Variants in TNK2 observed in about 807,000 individuals in gnomAD.
TNK2 encodes the protein activated CDC42 kinase 1.
Under a neutral mutation model 101.8 loss-of-function variants are expected in TNK2, and 83 were observed. That is an observed-to-expected ratio of 0.82 (90% CI 0.68 to 0.98). The LOEUF is 0.98. TNK2 is among the 50% of genes least tolerant of loss of function. The pLI is 0.00. For synonymous variants in TNK2, 804 were observed against 633.0 expected, an observed-to-expected ratio of 1.27 and a Z score of -4.06; for missense variants, 1,665 against 1,483.2, an observed-to-expected ratio of 1.12 and a Z score of -2.01.
rs770147978 is a variant in TNK2 at position 195,868,332 on chromosome 3, C to T, written c.1966G>A (p.Asp656Asn). ...PPPAYDDVAQ[D>N]EDDFEICSIN... ...GAGCAGATCTCAAAGTCATCCTCAT[C>T]CTGGGCCACGTCGTCATAGGCGGGC... The change falls in exon 13 of 16, where the codon GAT becomes AAT. Residue 656 changes from aspartate to asparagine, a missense_variant. Physicochemically the swap from Asp to Asn is conservative, Grantham distance 23. Transcript: ENST00000672887. 1.2e-6 allele frequency: 2 copies of T among 1,602,388 alleles called. No individual in the cohort carries two copies. The highest frequency in any genetic ancestry group is 1.3e-5 in the African/African-American group (1 of 74,786).
chr3:195,873,317 T>C (rs1259443774), intron 9 of TNK2, among the ~76,000 whole-genome samples: 1 of 152,170 alleles, frequency 6.6e-6, no homozygotes, highest in East Asian at 1.9e-4. Context: ...AGCACAGGGC[T>C]CCCGCAAGAC....
chr3:195,876,355 A>C (rs1454181819), intron 9 of TNK2: 1 of 453,468 alleles, frequency 2.2e-6, no homozygotes, highest in Non-Finnish European at 4.4e-6. Context: ...ACAGCTTCGC[A>C]AGTGGGAAGC....
Position 195,867,878 on chromosome 3 carries a change from G to C in TNK2, c.2420C>G (p.Pro807Arg). The C allele has an allele frequency of 6.5e-7, 1 of 1,530,756 alleles. No homozygotes were observed. The highest frequency in any genetic ancestry group is 1.4e-5 in the African/African-American group (1 of 71,874). The allele number at this position is 1,530,756 out of a possible 1,614,324, so 94.8% of individuals were successfully genotyped here. A position where few individuals can be genotyped will look rare whatever the true frequency, so the allele number is the denominator to read the frequency against. Residue 807 changes from proline (P) to arginine (R), a missense_variant, in exon 13 of 16, where the codon CCC (proline) becomes CGC (arginine). By Grantham distance (103) the Pro-to-Arg change is moderately radical. Coordinates refer to ENST00000672887, the MANE Select transcript of TNK2 (RefSeq NM_001382273.1). ...EPLSPQGSRT[P>R]SPLVPPGSSP... Reference sequence around the variant, plus strand: ...GCTGCCAGGTGGTACCAGGGGGCTGGGTGTCCTCGAGCCTTGAGGGGACAG... The same window carrying C: ...GCTGCCAGGTGGTACCAGGGGGCTGCGTGTCCTCGAGCCTTGAGGGGACAG...
intron 12 of TNK2, chr3:195,869,088 G>A (rs1055447286): frequency 6.3e-6 from 3 of 472,622 alleles, no homozygotes; most frequent in South Asian, 5.8e-5. Flanking sequence ...CACCATTAGT[G>A]CAGGCACGGA....
At chr3:195,874,354 C>G (rs1747614884) in intron 9 of TNK2, among the ~76,000 whole-genome samples, 1 of 152,234 alleles carries the variant, frequency 6.6e-6, no homozygotes, top group African/African-American at 2.4e-5. Flanking sequence ...AAGGAGACAT[C>G]AAGCCCACCT....
chr3:195,869,734 G>C, intron 11 of TNK2, 193 bp from the exon 12 acceptor site: 1 of 635,786 alleles, frequency 1.6e-6, no homozygotes, highest in South Asian at 1.9e-5. Flanking sequence ...GGTCCAGTAT[G>C]ATAGGCAGAG....
rs1278145433 is a variant in TNK2, at chr3:195,864,012, T to TGGGCA, written c.*164_*168dup. 7.4e-6 allele frequency: 6 copies of TGGGCA among 810,306 alleles called. No individual in the cohort carries two copies. The highest frequency in any genetic ancestry group is 1.0e-5 in the Non-Finnish European group (5 of 498,640). 50.2% of individuals were successfully genotyped at this position (810,306 alleles called of 1,614,324 possible). ...AGGGACAGCGCTGGTGCAGGAGGGA[T>TGGGCA]GGGCAGGGCAGGGCTCCCAGCCTCC... On this transcript the variant is annotated 3_prime_UTR_variant, in exon 16 of 16. Transcript: ENST00000672887.
Position 195,866,742 on chromosome 3 carries a change from C to T in TNK2, c.3161+147G>A, listed in dbSNP as rs1244345831. On this transcript the variant is annotated intron_variant, in intron 15 of 15. Coordinates refer to ENST00000672887, the MANE Select transcript of TNK2 (RefSeq NM_001382273.1). ...ATTTAGGAAAAACGATTTGCTGGGC[C>T]CTGTGAGCGCCTCCCTCCCGCAGCT... The T allele has an allele frequency of 2.5e-6, 3 of 1,179,690 alleles. No individual in the cohort carries two copies. In the African/African-American group the frequency reaches 4.6e-5, roughly 18 times the overall value. The allele number at this position is 1,179,690 out of a possible 1,614,324, so 73.1% of individuals were successfully genotyped here. A position where few individuals can be genotyped will look rare whatever the true frequency, so the allele number is the denominator to read the frequency against.
rs542698987 is a variant in TNK2, at chr3:195,868,618, C to T, written c.1680G>A (p.Gly560=). Residue 560 remains glycine (G), a synonymous_variant, in exon 13 of 16, where the codon GGG becomes GGA. Coordinates refer to ENST00000672887, the MANE Select transcript of TNK2 (RefSeq NM_001382273.1). ...GCGCCGAGGGCTTCGCCAGCCACAG[C>T]CCTCGGGGCAGGCCTGGCTTCCGCA... ...LGLRKPGLPR[G]LWLAKPSARV... 4 of 1,589,516 alleles carry T rather than the reference C, an allele frequency of 2.5e-6. No individual in the cohort carries two copies. The highest frequency in any genetic ancestry group is 1.1e-5 in the South Asian group (1 of 90,278).
Position 195,882,730 on chromosome 3 carries a change from C to T in TNK2, c.610-402G>A, listed in dbSNP as rs775300535. 9.2e-5 allele frequency among the ~76,000 whole-genome samples: 14 copies of T among 152,110 alleles called. No homozygotes were observed. The highest frequency in any genetic ancestry group is 2.4e-4 in the African/African-American group (10 of 41,396). Reference sequence around the variant, plus strand: ...AAAATTAGCCAGGCATGGTAGCGCACGGCTGTAATCCCAGCTACTTGGAAG... The same window carrying T: ...AAAATTAGCCAGGCATGGTAGCGCATGGCTGTAATCCCAGCTACTTGGAAG... On this transcript the variant is annotated intron_variant, in intron 5 of 15. Transcript: ENST00000672887. The surrounding 1 kb of genome is among the most constrained non-coding windows in gnomAD (Gnocchi z 4.2).
chr3:195,864,721 C>T (rs1359788650), intron 15 of TNK2, among the ~76,000 whole-genome samples: 4 of 138,126 alleles, frequency 2.9e-5, no homozygotes, highest in Admixed American at 7.1e-5. Flanking sequence ...AAGAACCACC[C>T]GAGACAGTGA....
intron 1 of TNK2, among the ~76,000 whole-genome samples, chr3:195,906,862 T>C (rs1761777489): frequency 1.3e-5 from 2 of 152,174 alleles, no homozygotes; most frequent in Admixed American, 6.5e-5. Flanking sequence ...GGGAACAGTC[T>C]GACCCTTCCT....
intron 1 of TNK2, among the ~76,000 whole-genome samples, chr3:195,907,442 C>T (rs539654716): frequency 6.6e-6 from 1 of 152,346 alleles, no homozygotes; most frequent in South Asian, 2.1e-4. Context: ...ACAGCCACAC[C>T]TCGGGCTGGG....
intron 9 of TNK2, among the ~76,000 whole-genome samples, chr3:195,877,822 T>C (rs1044142361): frequency 1.3e-5 from 2 of 150,542 alleles, no homozygotes; most frequent in African/African-American, 4.9e-5. Context: ...GCAGGAAGGA[T>C]GGAAAGCTGC....
At chr3:195,866,537 T>C (rs1740959008) in intron 15 of TNK2, among the ~76,000 whole-genome samples, 2 of 151,988 alleles carry the variant, frequency 1.3e-5, no homozygotes, top group African/African-American at 2.4e-5. Context: ...TAAACAGAAA[T>C]ATGGAAACAC....
chr3:195,884,498 C>T, intron 4 of TNK2: 1 of 266,560 alleles, frequency 3.8e-6, no homozygotes, highest in Non-Finnish European at 7.0e-6. Context: ...CAAAAATTAA[C>T]TGAGTGTGGT....
rs201461833 is a variant in TNK2 at position 195,864,186 on chromosome 3, G to A, written c.3163C>T (p.Arg1055Cys). ...TCTGGCTCTCCAGACGCATCTCAGC[G>A]CCTAGAGAATGGGAAACCACCAGCA... Reference protein sequence around the residue: ...LGSWGPAHHKR With the variant: ...LGSWGPAHHKC The change falls in exon 16 of 16, where the codon CGC becomes TGC. Residue 1055 changes from arginine (R) to cysteine (C), a missense_variant and splice_region_variant. Arg to Cys is a radical substitution (Grantham distance 180). Coordinates refer to ENST00000672887, the MANE Select transcript of TNK2 (RefSeq NM_001382273.1). The A allele has an allele frequency of 1.1e-4, 177 of 1,613,862 alleles. No homozygotes were observed. The highest frequency in any genetic ancestry group is 6.7e-5 in the Admixed American group (4 of 59,994).
intron 9 of TNK2, among the ~76,000 whole-genome samples, chr3:195,874,167 T>C (rs572640635): frequency 6.6e-6 from 1 of 152,286 alleles, no homozygotes; most frequent in South Asian, 2.1e-4. Flanking sequence ...GACTCTGCTC[T>C]CCACACCTCT....
chr3:195,907,071 C>T (rs1230018874), intron 1 of TNK2, among the ~76,000 whole-genome samples: 1 of 152,206 alleles, frequency 6.6e-6, no homozygotes, highest in Non-Finnish European at 1.5e-5. Context: ...TGTGTGATGC[C>T]AAGGCCTTTC....
Sources: gnomAD v4.1 joint callset for allele counts (sites outside exome capture counted in the v4.1 genomes callset) on GRCh38, gnomAD v4.1.1 for gene constraint, Gnocchi (gnomAD v3.1) non-coding constraint, MANE v1.5 for transcripts, NCBI Gene and HGNC (gene_info 2026-07-23, HGNC 2026-07-21) for gene names.